The following CTNNA3 variants were observed in gnomAD, a reference collection of about 807,000 sequenced individuals.
The protein encoded by CTNNA3 is catenin alpha 3.
Under a neutral mutation model 95.7 loss-of-function variants are expected in CTNNA3, and 76 were observed. The observed-to-expected ratio is 0.79, with a 90% CI of 0.66 to 0.96. The LOEUF (loss-of-function observed/expected upper bound fraction) is 0.96. Ranked by LOEUF, CTNNA3 falls within the 40% of genes least tolerant of loss-of-function variation. The pLI is 0.00. For synonymous variants in CTNNA3, 431 were observed against 374.4 expected, an observed-to-expected ratio of 1.15 and a Z score of -1.74; for missense variants, 1,191 against 1,089.8, an observed-to-expected ratio of 1.09 and a Z score of -1.31.
intron 7 of CTNNA3, among the ~76,000 whole-genome samples, chr10:67,009,402 A>G (rs1313374447): frequency 1.3e-5 from 2 of 151,864 alleles, no homozygotes; most frequent in East Asian, 3.9e-4. Context: ...TATTGCTTCT[A>G]ATATTTTTGT....
chr10:67,187,879 C>A (rs1055658042), intron 6 of CTNNA3, among the ~76,000 whole-genome samples: 2 of 152,160 alleles, frequency 1.3e-5, no homozygotes, highest in Non-Finnish European at 2.9e-5. Flanking sequence ...AGCCACTGTG[C>A]CCAGTGTTCC....
At chr10:67,030,964 G>A (rs551952246) in intron 7 of CTNNA3, among the ~76,000 whole-genome samples, 3 of 152,074 alleles carry the variant, frequency 2.0e-5, no homozygotes, top group South Asian at 2.1e-4. Flanking sequence ...AGATTGCATC[G>A]CTGCACTCCA....
chr10:67,393,507 A>G (rs1269246041), intron 5 of CTNNA3, among the ~76,000 whole-genome samples: 2 of 152,124 alleles, frequency 1.3e-5, no homozygotes, highest in Non-Finnish European at 2.9e-5. Flanking sequence ...GTCCAAATGT[A>G]TGGGTCAAGG....
In CTNNA3 at chr10:65,914,857, T is replaced by C. The variant is rs945662136; in HGVS notation, c.*5473A>G. On this transcript the variant is annotated 3_prime_UTR_variant, in exon 18 of 18. Coordinates refer to ENST00000433211, the MANE Select transcript of CTNNA3 (RefSeq NM_013266.4). ...CATTCAGTTAATAGAGGTGAGAATATTCAGCTAATTATATATCTGTCTTGA... is the reference window on the plus strand; with the variant it reads ...CATTCAGTTAATAGAGGTGAGAATACTCAGCTAATTATATATCTGTCTTGA... 2.6e-5 allele frequency: 4 copies of C among 152,176 alleles called. No individual in the cohort carries two copies. Among genetic ancestry groups the C allele is most frequent in the Non-Finnish European group, 5.9e-5 (4 of 68,034 alleles). The allele number at this position is 152,176 out of a possible 1,614,324, so 9.4% of individuals were successfully genotyped here.
rs530784612 is a variant in CTNNA3, at chr10:67,008,926, G to C, written c.1047+171391C>G. Among the ~76,000 whole-genome samples the C allele has an allele frequency of 5.9e-5, 9 of 152,120 alleles. No individual in the cohort carries two copies. The East Asian group carries it at 1.7e-3, about 29-fold the overall frequency. Reference sequence around the variant, plus strand: ...TTCTTATGGGCTTGAAAATGTTTGTGCATTTGAATTTATATTTAAAAGATA... The same window carrying C: ...TTCTTATGGGCTTGAAAATGTTTGTCCATTTGAATTTATATTTAAAAGATA... On this transcript the variant is annotated intron_variant, in intron 7 of 17. Transcript: ENST00000433211.
chr10:67,221,944 CTT>C (rs1864681494), intron 5 of CTNNA3, among the ~76,000 whole-genome samples: 1 of 152,086 alleles, frequency 6.6e-6, no homozygotes, highest in Admixed American at 6.5e-5. Context: ...TGACAATAGT[CTT>C]TGAGGGAATG....
intron 16 of CTNNA3, among the ~76,000 whole-genome samples, chr10:65,981,922 T>G (rs886383722): frequency 2.6e-5 from 4 of 151,820 alleles, no homozygotes; most frequent in African/African-American, 9.7e-5. Context: ...AAAACCCTTC[T>G]AGACACTGGT....
At chr10:67,452,806 G>A (rs1169919255) in intron 5 of CTNNA3, among the ~76,000 whole-genome samples, 1 of 152,234 alleles carries the variant, frequency 6.6e-6, no homozygotes, top group South Asian at 2.1e-4. Context: ...GCACAGTAAT[G>A]TGTTGTTAAA....
At chr10:66,343,113 T>C (rs532819669) in intron 12 of CTNNA3, among the ~76,000 whole-genome samples, 14 of 152,142 alleles carry the variant, frequency 9.2e-5, no homozygotes, top group African/African-American at 1.2e-4. Flanking sequence ...AAGGAACTCA[T>C]AAGCTGTTGG....
chr10:66,334,541 A>C (rs1254201799), intron 12 of CTNNA3, among the ~76,000 whole-genome samples: 1 of 151,984 alleles, frequency 6.6e-6, no homozygotes, highest in Non-Finnish European at 1.5e-5. Flanking sequence ...TCTTTTCTTT[A>C]ATAATGTTGA....
chr10:66,417,705 A>G (rs1486970214), intron 11 of CTNNA3, among the ~76,000 whole-genome samples: 1 of 152,060 alleles, frequency 6.6e-6, no homozygotes, highest in East Asian at 1.9e-4. Context: ...GAATAAAACA[A>G]GAAATCAATA....
At chr10:67,614,374 T>C (rs1052083613) in intron 2 of CTNNA3, among the ~76,000 whole-genome samples, 1 of 152,224 alleles carries the variant, frequency 6.6e-6, no homozygotes, top group African/African-American at 2.4e-5. Context: ...CATTGTAATA[T>C]ATATGAAATA....
At chr10:66,609,808 T>C (rs2660036) in intron 10 of CTNNA3, among the ~76,000 whole-genome samples, 7,887 of 152,156 alleles carry the variant, frequency 0.052, 609 homozygotes, top group East Asian at 0.26. Flanking sequence ...TGTATGTTCA[T>C]TGCAGCACTA....
chr10:67,618,926 A>G (rs1192271223), intron 2 of CTNNA3, among the ~76,000 whole-genome samples: 9 of 152,176 alleles, frequency 5.9e-5, no homozygotes, highest in Admixed American at 4.6e-4. Flanking sequence ...TTAATGTCCC[A>G]AAGTCCCTTC....
intron 7 of CTNNA3, among the ~76,000 whole-genome samples, chr10:66,971,847 A>T (rs1436210691): frequency 1.3e-5 from 2 of 152,050 alleles, no homozygotes; most frequent in Admixed American, 6.5e-5. Context: ...TCTCTTTAAT[A>T]TTTCTCATTT....
intron 5 of CTNNA3, among the ~76,000 whole-genome samples, chr10:67,287,211 G>A (rs192607837): frequency 1.1e-4 from 16 of 152,144 alleles, no homozygotes; most frequent in African/African-American, 3.1e-4. Context: ...GGTGGTACAC[G>A]CCTGTAGTCC....
intron 16 of CTNNA3, among the ~76,000 whole-genome samples, chr10:65,967,037 A>T (rs565685843): frequency 1.3e-5 from 2 of 152,166 alleles, no homozygotes; most frequent in East Asian, 3.9e-4. Context: ...GCTCACTGCA[A>T]CCTCTGCCTC....
chr10:66,936,737 G>C (rs574539941), intron 7 of CTNNA3, among the ~76,000 whole-genome samples: 1 of 152,182 alleles, frequency 6.6e-6, no homozygotes, highest in Admixed American at 6.5e-5. Context: ...TTTGGAAGTA[G>C]TATCCATATT....
chr10:66,845,416 T>C (rs932390692), intron 7 of CTNNA3, among the ~76,000 whole-genome samples: 1 of 152,040 alleles, frequency 6.6e-6, no homozygotes, highest in African/African-American at 2.4e-5. Context: ...AAAAATGTGA[T>C]ATATAGGCTG....
Sources: gnomAD v4.1 joint callset for allele counts (sites outside exome capture counted in the v4.1 genomes callset) on GRCh38, gnomAD v4.1.1 for gene constraint, MANE v1.5 for transcripts, NCBI Gene and HGNC (gene_info 2026-07-23, HGNC 2026-07-21) for gene names.